TSHR: variants seen among roughly 807,000 people sequenced by gnomAD.
TSHR encodes the protein thyroid stimulating hormone receptor.
A neutral mutation model predicts 64.1 loss-of-function variants in TSHR; 51 were observed. The ratio of observed to expected loss-of-function variants is 0.80; its 90% CI spans 0.64 to 1.01. The LOEUF is 1.01. TSHR is among the 50% of genes least tolerant of loss of function. The pLI is 0.00. For missense variants in TSHR, 877 were observed against 942.8 expected (o/e 0.93, Z 0.91); for synonymous variants, 361 against 361.9 (o/e 1.00, Z 0.03).
chr14:81,055,126 A>C (rs553586275), intron 1 of TSHR, among the ~76,000 whole-genome samples: 1 of 152,144 alleles, frequency 6.6e-6, no homozygotes, highest in East Asian at 1.9e-4. Context: ...CAGCTGCTCC[A>C]GCTGTGACTA....
chr14:81,025,999 T>C (rs939734958), intron 1 of TSHR, among the ~76,000 whole-genome samples: 2 of 152,116 alleles, frequency 1.3e-5, no homozygotes, highest in Non-Finnish European at 2.9e-5. Flanking sequence ...TAGAACAAGA[T>C]GGATGGCCTC....
rs534267682 is a variant in TSHR, at chr14:80,986,993, C to G, written c.170+31143C>G. Among the ~76,000 whole-genome samples, 8 of 152,308 alleles carry G rather than the reference C, an allele frequency of 5.3e-5. No individual in the cohort carries two copies. The South Asian group carries it at 1.7e-3, about 32-fold the overall frequency. ...GAAAGTACTTGAGAATTTTCAGTATCTTTTAAGAAAATTCAATTGGCCTGT... is the reference window on the plus strand; with the variant it reads ...GAAAGTACTTGAGAATTTTCAGTATGTTTTAAGAAAATTCAATTGGCCTGT... On this transcript the variant is annotated intron_variant, in intron 1 of 9. Transcript: ENST00000298171.
At chr14:81,071,060 A>G (rs1377072260) in intron 3 of TSHR, among the ~76,000 whole-genome samples, 1 of 152,248 alleles carries the variant, frequency 6.6e-6, no homozygotes, top group African/African-American at 2.4e-5. Context: ...GCTCTGCATG[A>G]TAGTGTGGGA....
intron 8 of TSHR, among the ~76,000 whole-genome samples, chr14:81,122,204 G>A (rs1369214578): frequency 6.6e-6 from 1 of 150,782 alleles, no homozygotes; most frequent in African/African-American, 2.4e-5. Context: ...CACCATACCT[G>A]GCTAATTTTT....
At chr14:80,997,313 G>A (rs1040760725) in intron 1 of TSHR, among the ~76,000 whole-genome samples, 4 of 152,130 alleles carry the variant, frequency 2.6e-5, no homozygotes, top group Admixed American at 6.6e-5. Context: ...TCCCCACCTC[G>A]GGATAATTCT....
At chr14:81,002,168 A>G (rs1160668468) in intron 1 of TSHR, among the ~76,000 whole-genome samples, 2 of 152,190 alleles carry the variant, frequency 1.3e-5, no homozygotes, top group Non-Finnish European at 2.9e-5. Context: ...AGTATAATCA[A>G]ACATATGTAT....
intron 1 of TSHR, among the ~76,000 whole-genome samples, chr14:81,002,307 AG>A (rs1889364196): frequency 6.6e-6 from 1 of 152,132 alleles, no homozygotes; most frequent in African/African-American, 2.4e-5. Context: ...TAAGTGTAAA[AG>A]AGTATAGACT....
At chr14:81,057,647 C>A (rs1885917708) in intron 1 of TSHR, among the ~76,000 whole-genome samples, 2 of 152,126 alleles carry the variant, frequency 1.3e-5, no homozygotes, top group South Asian at 4.1e-4. Context: ...GAAATACTGG[C>A]TGATTGATTG....
intron 8 of TSHR, among the ~76,000 whole-genome samples, chr14:81,127,042 G>C (rs1891046837): frequency 1.3e-5 from 2 of 152,216 alleles, no homozygotes; most frequent in Non-Finnish European, 2.9e-5. Context: ...GGTTTTACTT[G>C]TGATTTTACA....
At position 81,143,039 on chromosome 14, in the gene TSHR, A is replaced by G; in HGVS notation, c.981A>G (p.Glu327=). 3 of 1,614,172 alleles carry G rather than the reference A, an allele frequency of 1.9e-6. No individual in the cohort carries two copies. Among genetic ancestry groups the G allele is most frequent in the South Asian group, 2.2e-5 (2 of 91,080 alleles). Residue 327 remains glutamate (E), a synonymous_variant, in exon 10 of 10, where the codon GAA becomes GAG. Coordinates refer to ENST00000298171, the MANE Select transcript of TSHR (RefSeq NM_000369.5). ...ALNSPLHQEY[E]ENLGDSIVGY... is the part of the protein sequence containing the mutation. Reference sequence around the variant, plus strand: ...ATAGCCCCCTCCACCAGGAATATGAAGAGAATCTGGGTGACAGCATTGTTG... The same window carrying G: ...ATAGCCCCCTCCACCAGGAATATGAGGAGAATCTGGGTGACAGCATTGTTG...
chr14:81,067,407 C>T (rs1233291044), intron 2 of TSHR, among the ~76,000 whole-genome samples: 1 of 150,442 alleles, frequency 6.6e-6, no homozygotes, highest in Non-Finnish European at 1.5e-5. Context: ...AACTTACAGT[C>T]TAGTGAGACA....
In TSHR at chr14:81,032,426, G is replaced by A. The variant is rs149106193; in HGVS notation, c.171-29722G>A. 136 of 265,794 alleles carry A rather than the reference G, an allele frequency of 5.1e-4. 1 individual carries two copies. Among genetic ancestry groups the A allele is most frequent in the African/African-American group, 2.9e-3 (127 of 44,238 alleles). The allele number at this position is 265,794 out of a possible 1,614,324, so 16.5% of individuals were successfully genotyped here. ...CACACTGGTCAAAATGGTTCCAATC[G>A]CCTACCTTGCAAGACACTTCAGGTT... On this transcript the variant is annotated intron_variant, in intron 1 of 9. Coordinates refer to ENST00000298171, the MANE Select transcript of TSHR (RefSeq NM_000369.5).
intron 8 of TSHR, chr14:81,108,989 C>A: frequency 7.8e-7 from 1 of 1,275,986 alleles, no homozygotes; most frequent in East Asian, 3.5e-5. Context: ...CCCCCACATC[C>A]AATCAGTGAT....
chr14:81,076,543 C>T (rs1887516328), intron 3 of TSHR, among the ~76,000 whole-genome samples: 1 of 152,158 alleles, frequency 6.6e-6, no homozygotes, highest in South Asian at 2.1e-4. Flanking sequence ...AAATCTACTA[C>T]TCCTGTGTAT....
At chr14:81,043,040 A>T (rs1884998904) in intron 1 of TSHR, among the ~76,000 whole-genome samples, 2 of 152,208 alleles carry the variant, frequency 1.3e-5, no homozygotes, top group Non-Finnish European at 2.9e-5. Context: ...CAAGACAAGG[A>T]TGCCCTCTCT....
chr14:80,969,263 A>T (rs1887472521), intron 1 of TSHR, among the ~76,000 whole-genome samples: 1 of 152,102 alleles, frequency 6.6e-6, no homozygotes, highest in Non-Finnish European at 1.5e-5. Context: ...AGACTAGTGG[A>T]TATAGTGTTC....
intron 8 of TSHR, among the ~76,000 whole-genome samples, chr14:81,112,462 C>T (rs1384021192): frequency 6.6e-6 from 1 of 152,076 alleles, no homozygotes; most frequent in Non-Finnish European, 1.5e-5. Context: ...ATCATCTGCT[C>T]ACAAGTATCA....
chr14:81,082,839 G>A (rs1888007512), intron 3 of TSHR, among the ~76,000 whole-genome samples: 1 of 152,128 alleles, frequency 6.6e-6, no homozygotes, highest in African/African-American at 2.4e-5. Flanking sequence ...GAAATGCAAA[G>A]TCGGCTTTTT....
At chr14:80,972,347 A>G (rs1887626885) in intron 1 of TSHR, among the ~76,000 whole-genome samples, 1 of 152,092 alleles carries the variant, frequency 6.6e-6, no homozygotes, top group Non-Finnish European at 1.5e-5. Context: ...GACCCATACT[A>G]TATGTCTTCA....
Sources: allele counts gnomAD v4.1 joint callset (sites outside exome capture counted in the v4.1 genomes callset), GRCh38; gene constraint gnomAD v4.1.1; transcripts MANE v1.5; gene names NCBI Gene and HGNC (gene_info 2026-07-23, HGNC 2026-07-21).